Variants in OR56A3 observed in about 807,000 individuals in gnomAD.
OR56A3 encodes the protein olfactory receptor 56A3.
In OR56A3, 23 loss-of-function variants were observed where a neutral mutation model predicts 17.5. The ratio of observed to expected loss-of-function variants is 1.32; its 90% confidence interval spans 0.95 to 1.87. The LOEUF is 1.87. Among genes scored for constraint, OR56A3 ranks in the 40% most tolerant of loss-of-function variants. The probability of loss-of-function intolerance (pLI) is 0.00; values close to 1 mark genes in which losing one functional copy is unlikely to be tolerated. For missense variants in OR56A3, 366 were observed against 380.1 expected (o/e 0.96, Z 0.31); for synonymous variants, 175 against 150.6 (o/e 1.16, Z -1.19).
the OR56A3 span, among the ~76,000 whole-genome samples, chr11:6,009,040 A>C: frequency 6.6e-6 from 1 of 152,128 alleles, no homozygotes; most frequent in African/African-American, 2.4e-5. Context: ...TTGTACCCCT[A>C]ATGAAGATAT....
At chr11:5,960,549 G>A in the OR56A3 span, among the ~76,000 whole-genome samples, 12 of 152,186 alleles carry the variant, frequency 7.9e-5, no homozygotes, top group South Asian at 2.1e-4. Context: ...ACGGAGTCTC[G>A]CTCACTCAGT....
chr11:5,997,383 T>C, the OR56A3 span, among the ~76,000 whole-genome samples: 2 of 152,222 alleles, frequency 1.3e-5, no homozygotes, highest in African/African-American at 4.8e-5. Context: ...TCAAGGATGC[T>C]GTACTGTAAT....
chr11:5,986,240 C>A, the OR56A3 span: 1 of 1,613,660 alleles, frequency 6.2e-7, no homozygotes, highest in South Asian at 1.1e-5. Context: ...ACACCAATGG[C>A]CAGAACATCC....
chr11:6,011,221 TACAC>T, the OR56A3 span, among the ~76,000 whole-genome samples: 2 of 149,172 alleles, frequency 1.3e-5, no homozygotes, highest in South Asian at 2.1e-4. Flanking sequence ...TATATATATA[TACAC>T]ACATATATTT....
At chr11:5,999,536 T>G in the OR56A3 span, 1 of 152,182 alleles carries the variant, frequency 6.6e-6, no homozygotes, top group South Asian at 2.1e-4. Context: ...AGAATAAAAT[T>G]CCAGTTCTCC....
chr11:5,978,684 C>T, the OR56A3 span, among the ~76,000 whole-genome samples: 1 of 152,138 alleles, frequency 6.6e-6, no homozygotes. Context: ...GACTTCCTCT[C>T]TTCCTATTTA....
At chr11:5,959,658 A>C in the OR56A3 span, among the ~76,000 whole-genome samples, 1 of 152,168 alleles carries the variant, frequency 6.6e-6, no homozygotes, top group East Asian at 1.9e-4. Flanking sequence ...TTTGCTGTAC[A>C]AAACTTTTTA....
the OR56A3 span, among the ~76,000 whole-genome samples, chr11:5,995,689 A>G: frequency 6.6e-6 from 1 of 152,340 alleles, no homozygotes; most frequent in East Asian, 1.9e-4. Context: ...AGTTAAATCT[A>G]GCTAATTAGC....
the OR56A3 span, among the ~76,000 whole-genome samples, chr11:6,005,584 C>T: frequency 3.3e-5 from 5 of 152,280 alleles, no homozygotes; most frequent in East Asian, 7.7e-4. Context: ...CCACTTTAAC[C>T]GCTAAAACAA....
the OR56A3 span, among the ~76,000 whole-genome samples, chr11:6,014,232 G>C: frequency 6.6e-6 from 1 of 152,122 alleles, no homozygotes; most frequent in Non-Finnish European, 1.5e-5. Flanking sequence ...AAAAACTAAT[G>C]ACACTATGAT....
At chr11:5,970,618 CA>C in the OR56A3 span, among the ~76,000 whole-genome samples, 1 of 147,666 alleles carries the variant, frequency 6.8e-6, no homozygotes, top group Admixed American at 6.7e-5. Flanking sequence ...TTTTTTTTTA[CA>C]AAAAGCAATG....
chr11:5,994,172 G>A, the OR56A3 span: 2 of 512,122 alleles, frequency 3.9e-6, no homozygotes, highest in Admixed American at 4.6e-5. Context: ...TCCATCTGCA[G>A]GGCATAGCAG....
the OR56A3 span, chr11:5,968,496 A>C: frequency 1.9e-6 from 3 of 1,546,868 alleles, no homozygotes; most frequent in Non-Finnish European, 1.8e-6. Flanking sequence ...TAATGTCATG[A>C]AATAAATCCT....
chr11:6,002,761 G>A, the OR56A3 span: 6 of 1,614,078 alleles, frequency 3.7e-6, no homozygotes, highest in Non-Finnish European at 5.1e-6. Context: ...ATGACGGTGA[G>A]GCAGAGCACG....
At chr11:5,991,478 T>C in the OR56A3 span, among the ~76,000 whole-genome samples, 1 of 152,156 alleles carries the variant, frequency 6.6e-6, no homozygotes. Flanking sequence ...TCCACTAGCA[T>C]CTAAATGGTA....
At chr11:5,951,509 A>G (rs1847907867), downstream of OR56A3, among the ~76,000 whole-genome samples, 8 of 152,144 alleles carry the variant, frequency 5.3e-5, no homozygotes, top group Admixed American at 3.3e-4. Flanking sequence ...CTTCAAACCA[A>G]ATAGGTGTTA....
At chr11:5,994,216 G>T in the OR56A3 span, 1 of 534,028 alleles carries the variant, frequency 1.9e-6, no homozygotes. Context: ...CTCTAAGCTG[G>T]CCTTCAGATT....
At chr11:5,966,874 A>G in the OR56A3 span, among the ~76,000 whole-genome samples, 29 of 148,242 alleles carry the variant, frequency 2.0e-4, 1 homozygote, top group South Asian at 5.2e-3. Context: ...AAAAAAGGAC[A>G]CACAGATTCA....
the OR56A3 span, chr11:6,021,782 T>C: frequency 1.4e-5 from 2 of 142,012 alleles, no homozygotes; most frequent in East Asian, 4.1e-4. Flanking sequence ...ATCAGGAGAG[T>C]TCCTCCTAGA....
Sources: allele counts gnomAD v4.1 joint callset (sites outside exome capture counted in the v4.1 genomes callset), GRCh38; gene constraint gnomAD v4.1.1; transcripts MANE v1.5; gene names NCBI Gene and HGNC (gene_info 2026-07-23, HGNC 2026-07-21).